GPR15LG: variants seen among roughly 807,000 people sequenced by gnomAD.
The protein encoded by GPR15LG is G protein-coupled receptor 15 ligand, also known as protein GPR15LG.
chr10:84,177,910 G>A, the GPR15LG span, among the ~76,000 whole-genome samples: 1 of 152,146 alleles, frequency 6.6e-6, no homozygotes, highest in African/African-American at 2.4e-5. Flanking sequence ...AGGAAGTTGA[G>A]GGGGTGTGTG....
chr10:84,180,840 C>T, the GPR15LG span, among the ~76,000 whole-genome samples: 21 of 151,966 alleles, frequency 1.4e-4, no homozygotes, highest in Non-Finnish European at 2.1e-4. Context: ...ATCCCGGCAC[C>T]TCGGGAGGCC....
At chr10:84,184,566 T>TA in the GPR15LG span, 161 of 1,062,306 alleles carry the variant, frequency 1.5e-4, no homozygotes, top group Non-Finnish European at 2.0e-4. Flanking sequence ...AATTTTTTTT[T>TA]AAATGTGTTT....
At chr10:84,173,954 C>G in the GPR15LG span, 2 of 1,491,156 alleles carry the variant, frequency 1.3e-6, no homozygotes, top group South Asian at 2.3e-5. Flanking sequence ...GATCCCTGAG[C>G]AGGATTTCAG....
the GPR15LG span, among the ~76,000 whole-genome samples, chr10:84,174,839 C>G: frequency 6.6e-6 from 1 of 152,138 alleles, no homozygotes; most frequent in Non-Finnish European, 1.5e-5. Context: ...TTTCTCTTGT[C>G]TAACCCTCTA....
At chr10:84,184,683 C>G in the GPR15LG span, 1 of 1,614,088 alleles carries the variant, frequency 6.2e-7, no homozygotes, top group Non-Finnish European at 8.5e-7. Flanking sequence ...CCTCCCAGGA[C>G]ATCATGTGAG....
At chr10:84,182,008 C>T in the GPR15LG span, among the ~76,000 whole-genome samples, 31 of 152,280 alleles carry the variant, frequency 2.0e-4, no homozygotes, top group African/African-American at 7.2e-4. Context: ...AGCTCCTTGC[C>T]CCCTCACTGT....
At chr10:84,184,136 A>G in the GPR15LG span, among the ~76,000 whole-genome samples, 2 of 151,052 alleles carry the variant, frequency 1.3e-5, no homozygotes, top group East Asian at 1.9e-4. Flanking sequence ...CCTAGGCGAC[A>G]TAAGGAGACT....
chr10:84,181,707 G>A, the GPR15LG span, among the ~76,000 whole-genome samples: 71 of 152,328 alleles, frequency 4.7e-4, no homozygotes, highest in African/African-American at 1.7e-3. Context: ...GGGATTACAG[G>A]CGTGAGCCAC....
At chr10:84,175,587 C>CTTGA in the GPR15LG span, among the ~76,000 whole-genome samples, 1 of 152,224 alleles carries the variant, frequency 6.6e-6, no homozygotes, top group African/African-American at 2.4e-5. Flanking sequence ...TCAGTGCAGG[C>CTTGA]TTGACTTCCA....
At chr10:84,180,493 G>A in the GPR15LG span, among the ~76,000 whole-genome samples, 465 of 151,542 alleles carry the variant, frequency 3.1e-3, 1 homozygote, top group African/African-American at 0.011. Flanking sequence ...CAGATGGGGC[G>A]GTGGGGCAGA....
At chr10:84,176,132 C>T in the GPR15LG span, among the ~76,000 whole-genome samples, 6 of 152,096 alleles carry the variant, frequency 3.9e-5, no homozygotes, top group Non-Finnish European at 8.8e-5. Context: ...AAGTGATCCG[C>T]CCACCTCAGC....
At chr10:84,180,485 G>C in the GPR15LG span, among the ~76,000 whole-genome samples, 2 of 151,688 alleles carry the variant, frequency 1.3e-5, no homozygotes, top group Non-Finnish European at 2.9e-5. Context: ...TCACAACTCA[G>C]ATGGGGCGGT....
the GPR15LG span, among the ~76,000 whole-genome samples, chr10:84,178,920 G>A: frequency 2.0e-5 from 3 of 152,288 alleles, no homozygotes; most frequent in African/African-American, 7.2e-5. Flanking sequence ...ACCACCGTGG[G>A]GAGGTCTCGT....
chr10:84,174,619 A>C, the GPR15LG span, among the ~76,000 whole-genome samples: 3 of 151,008 alleles, frequency 2.0e-5, no homozygotes, highest in African/African-American at 7.3e-5. Context: ...CAGCCTCCCA[A>C]GTAGCTGAGA....
the GPR15LG span, among the ~76,000 whole-genome samples, chr10:84,181,478 T>G: frequency 6.6e-6 from 1 of 152,184 alleles, no homozygotes; most frequent in East Asian, 1.9e-4. Context: ...CAGGCTGGAG[T>G]GCAGTGGCAC....
At chr10:84,184,618 C>G in the GPR15LG span, 3 of 1,529,062 alleles carry the variant, frequency 2.0e-6, no homozygotes, top group Middle Eastern at 1.7e-4. Flanking sequence ...CTCCCCACAA[C>G]CTGGCTCTGA....
the GPR15LG span, among the ~76,000 whole-genome samples, chr10:84,174,862 A>G: frequency 2.0e-5 from 3 of 152,100 alleles, no homozygotes; most frequent in East Asian, 5.8e-4. Flanking sequence ...AACTGCCTAC[A>G]TTTATTTTTT....
At chr10:84,184,159 GAAA>G in the GPR15LG span, among the ~76,000 whole-genome samples, 819 of 138,606 alleles carry the variant, frequency 5.9e-3, 7 homozygotes, top group African/African-American at 0.014. Context: ...CATCTTTCTT[GAAA>G]AAAAAAAAAA....
chr10:84,174,428 A>G, the GPR15LG span, among the ~76,000 whole-genome samples: 2 of 151,648 alleles, frequency 1.3e-5, no homozygotes, highest in African/African-American at 4.8e-5. Flanking sequence ...CATGTTTAGA[A>G]GGGGACACCA....
Sources: allele counts gnomAD v4.1 joint callset (sites outside exome capture counted in the v4.1 genomes callset), GRCh38; gene constraint gnomAD v4.1.1; transcripts MANE v1.5; gene names NCBI Gene and HGNC (gene_info 2026-07-23, HGNC 2026-07-21).